Variants in SRCAP observed in about 807,000 individuals in gnomAD.
SRCAP encodes the protein Snf2 related CREBBP activator protein, also known as chromatin remodeling protein SRCAP.
Under a neutral mutation model 263.1 loss-of-function variants are expected in SRCAP, and 46 were observed. That is an observed-to-expected ratio of 0.17 (90% CI 0.14 to 0.22). SRCAP has a LOEUF of 0.22. Among genes scored for constraint, SRCAP ranks in the 10% least tolerant of loss-of-function variants. SRCAP has a pLI of 1.00. For missense variants in SRCAP, 3,695 were observed against 4,181.9 expected, an observed-to-expected ratio of 0.88 and a Z score of 3.21; for synonymous variants, 1,813 against 1,662.1, an observed-to-expected ratio of 1.09 and a Z score of -2.21.
rs186035721 is a variant in SRCAP at position 30,708,129 on chromosome 16, T to G, written c.633+417T>G. On this transcript the variant is annotated intron_variant, in intron 6 of 33. Transcript: ENST00000262518. Reference sequence around the variant, plus strand: ...TTCCACTCCACACCCACCTTTCTTTTGTATATCTCTGTCCATTTACACATA... The same window carrying G: ...TTCCACTCCACACCCACCTTTCTTTGGTATATCTCTGTCCATTTACACATA... 9.5e-4 allele frequency among the ~76,000 whole-genome samples: 144 copies of G among 152,344 alleles called. 2 individuals carry two copies. The East Asian group carries it at 0.011, about 12-fold the overall frequency.
rs756793325 is a variant in SRCAP at position 30,707,625 on chromosome 16, G to A, written c.546G>A (p.Arg182=). The change falls in exon 6 of 34, where the codon CGG becomes CGA. Residue 182 remains arginine, a synonymous_variant. Transcript: ENST00000262518. The stretch of plus-strand genomic sequence containing the variant: ...AGGAGCAGCGGCAGAAAGAGGAACG[G>A]GCCCGGAGGGAGGAGCAGGCCAAGC... The part of the protein sequence containing the change: ...HHEEQRQKEE[R]ARREEQAKLR... 1.9e-6 allele frequency: 3 copies of A among 1,614,160 alleles called. No individual in the cohort carries two copies. Among genetic ancestry groups the A allele is most frequent in the Non-Finnish European group, 2.5e-6 (3 of 1,180,028 alleles).
intron 25 of SRCAP, chr16:30,725,343 C>G (rs906036911): frequency 1.9e-6 from 1 of 529,576 alleles, no homozygotes; most frequent in Non-Finnish European, 3.1e-6. Flanking sequence ...TTTTAACCCG[C>G]ACGGTAATAA....
chr16:30,706,998 C>T (rs1207610309), intron 4 of SRCAP, among the ~76,000 whole-genome samples, 185 bp from the exon 5 acceptor site: 1 of 151,988 alleles, frequency 6.6e-6, no homozygotes, highest in African/African-American at 2.4e-5. Context: ...ATCTTTTTTC[C>T]TTCTTCATCT....
Position 30,723,046 on chromosome 16 carries a change from C to T in SRCAP, c.3976C>T (p.Pro1326Ser). Reference sequence around the variant, plus strand: ...TCGGGATGGACTGACTCCTGTTCCTCCATTGGCCCCAGCACCCCGGCCTCC... The same window carrying T: ...TCGGGATGGACTGACTCCTGTTCCTTCATTGGCCCCAGCACCCCGGCCTCC... ...APRDGLTPVP[P>S]LAPAPRPPSS... Residue 1326 changes from proline to serine, a missense_variant, in exon 24 of 34, where the codon CCA (proline) becomes TCA (serine). Physicochemically the swap from Pro to Ser is moderately conservative, Grantham distance 74. Coordinates refer to ENST00000262518, the MANE Select transcript of SRCAP (RefSeq NM_006662.3). 6.2e-7 allele frequency: 1 copy of T among 1,614,116 alleles called. No homozygotes were observed. Among genetic ancestry groups the T allele is most frequent in the Non-Finnish European group, 8.5e-7 (1 of 1,180,018 alleles).
rs2053191149 is a variant in SRCAP, at chr16:30,738,945, C to T, written c.8905C>T (p.Pro2969Ser). The T allele has an allele frequency of 1.9e-6, 3 of 1,613,750 alleles. No individual in the cohort carries two copies. The African/African-American group carries it at 4.0e-5, about 22-fold the overall frequency. ...CAACTCCGAAAGTCGGACACAGCCA[C>T]CCCCACACCCATCACCCCTAACCCC... Reference protein sequence around the residue: ...DGNSESRTQPPPHPSPLTPLP... With the variant: ...DGNSESRTQPSPHPSPLTPLP... Residue 2969 changes from proline (P) to serine (S), a missense_variant, in exon 34 of 34, where the codon CCC (proline) becomes TCC (serine). Pro to Ser is a moderately conservative substitution (Grantham distance 74). Transcript: ENST00000262518.
intron 22 of SRCAP, 65 bp downstream of exon 22, chr16:30,722,351 CTT>C: frequency 1.3e-6 from 2 of 1,569,280 alleles, no homozygotes; most frequent in Middle Eastern, 2.0e-4. Context: ...GTTTTTGTGA[CTT>C]TTTTGAATGT....
intron 25 of SRCAP, among the ~76,000 whole-genome samples, chr16:30,726,636 A>G (rs541559078): frequency 6.8e-5 from 10 of 147,868 alleles, no homozygotes; most frequent in African/African-American, 2.0e-4. Flanking sequence ...CCCCACCTCA[A>G]CCTCCCTCGT....
chr16:30,705,007 A>G (rs2052811101), intron 4 of SRCAP, among the ~76,000 whole-genome samples: 1 of 152,020 alleles, frequency 6.6e-6, no homozygotes, highest in Admixed American at 6.6e-5. Context: ...CTTAGTAGAA[A>G]CACAAATTCT....
In SRCAP at chr16:30,717,260, A is replaced by C. The variant is rs549975125; in HGVS notation, c.2817+781A>C. ...CATTGGCCACTTGTCTATATTTTTG[A>C]AGAAATGTCTTTTGAAGATTTGTTA... is the stretch of plus-strand genomic sequence containing the variant. On this transcript the variant is annotated intron_variant, in intron 18 of 33. Transcript: ENST00000262518. Among the ~76,000 whole-genome samples, 31 of 152,036 alleles carry C rather than the reference A, an allele frequency of 2.0e-4. 1 individual carries two copies. The highest frequency in any genetic ancestry group is 4.6e-4 in the Admixed American group (7 of 15,254).
chr16:30,711,478 C>T, intron 10 of SRCAP, 93 bp from the exon 11 acceptor site: 1 of 1,330,208 alleles, frequency 7.5e-7, no homozygotes, highest in African/African-American at 1.5e-5. Context: ...CTAGCAGTAT[C>T]TACAGAGACC....
chr16:30,714,937 T>G (rs74442044), intron 16 of SRCAP, among the ~76,000 whole-genome samples: 2,267 of 152,360 alleles, frequency 0.015, 62 homozygotes, highest in African/African-American at 0.051. Flanking sequence ...CTCTCTGGTC[T>G]TCTTTGGCTC....
intron 10 of SRCAP, 22 bp from the exon 11 acceptor site, chr16:30,711,549 A>C (rs766446896): frequency 6.4e-7 from 1 of 1,565,024 alleles, no homozygotes. Context: ...GAGCAACCAA[A>C]AGCTTTTTGT....
Position 30,724,663 on chromosome 16 carries a change from TCTCTGGCTCCAGCACCCC to T in SRCAP, c.5253_5270del (p.Pro1752_Ala1757del), listed in dbSNP as rs779055260. On this transcript the variant is annotated inframe_deletion, in exon 25 of 34. Transcript: ENST00000262518. ...ACCACTGGGTCCAACTCAGACGCTG[TCTCTGGCTCCAGCACCCC>T]CTCTGGCTCCAGCTTCTCCAGTGGG... The T allele has an allele frequency of 4.3e-6, 7 of 1,613,702 alleles. No homozygotes were observed. The highest frequency in any genetic ancestry group is 3.3e-5 in the South Asian group (3 of 91,072).
Position 30,737,941 on chromosome 16 carries a change from C to G in SRCAP, c.7901C>G (p.Thr2634Arg), listed in dbSNP as rs370304188. ...APDSAEGTTL[T>R]VLPEGEELPL... ...GATTCTGCTGAGGGGACCACCCTTACAGTGCTGCCTGAAGGTGAGGAGTTG... is the reference window on the plus strand; with the variant it reads ...GATTCTGCTGAGGGGACCACCCTTAGAGTGCTGCCTGAAGGTGAGGAGTTG... The change falls in exon 34 of 34, where the codon ACA (threonine) becomes AGA (arginine). Residue 2634 changes from threonine (T) to arginine (R), a missense_variant. This residue lies in a region of SRCAP where 1,207 missense variants were observed against 1,142.9 expected (regional missense o/e 1.06). Coordinates refer to ENST00000262518, the MANE Select transcript of SRCAP (RefSeq NM_006662.3). 16 of 1,614,084 alleles carry G rather than the reference C, an allele frequency of 9.9e-6. No homozygotes were observed. Among genetic ancestry groups the G allele is most frequent in the Admixed American group, 1.7e-5 (1 of 60,010 alleles).
At chr16:30,720,389 A>G (rs1433486944) in intron 19 of SRCAP, 58 bp downstream of exon 19, 1 of 1,572,224 alleles carries the variant, frequency 6.4e-7, no homozygotes, top group East Asian at 2.3e-5. Flanking sequence ...AAAGCTGCCC[A>G]GAGGGGCCTG....
In SRCAP at chr16:30,703,870, C is replaced by T. The variant is rs537293326; in HGVS notation, c.55-194C>T. Among the ~76,000 whole-genome samples, 40 of 151,924 alleles carry T rather than the reference C, an allele frequency of 2.6e-4. No individual in the cohort carries two copies. The South Asian group carries it at 6.5e-3, about 25-fold the overall frequency. On this transcript the variant is annotated intron_variant, in intron 3 of 33. Coordinates refer to ENST00000262518, the MANE Select transcript of SRCAP (RefSeq NM_006662.3). Reference sequence around the variant, plus strand: ...CGAGATCGCGCCACTGCACTCCAGCCTGGGCGACAGAGCGAGACTCCATCT... The same window carrying T: ...CGAGATCGCGCCACTGCACTCCAGCTTGGGCGACAGAGCGAGACTCCATCT...
intron 4 of SRCAP, among the ~76,000 whole-genome samples, chr16:30,705,712 T>G (rs1020203876): frequency 2.0e-5 from 3 of 151,156 alleles, no homozygotes; most frequent in South Asian, 4.2e-4. Flanking sequence ...ATTGGGTTTT[T>G]TTTTTTTTCC....
At chr16:30,700,099 G>A (rs148572589) in intron 2 of SRCAP, 118 bp downstream of exon 2, 6 of 152,348 alleles carry the variant, frequency 3.9e-5, no homozygotes, top group African/African-American at 7.2e-5. Context: ...ATGTTTGCAT[G>A]TGATTTTTCT....
rs2151300699 is a variant in SRCAP, at chr16:30,738,385, C to T, written c.8345C>T (p.Ser2782Phe). ...GAASTLVPGV[S>F]ETSASPGSPS... Reference sequence around the variant, plus strand: ...GCCAGCACCCTAGTGCCTGGGGTCTCTGAGACTAGTGCCAGCCCGGGAAGC... The same window carrying T: ...GCCAGCACCCTAGTGCCTGGGGTCTTTGAGACTAGTGCCAGCCCGGGAAGC... The change falls in exon 34 of 34, where the codon TCT becomes TTT. Residue 2782 changes from serine (S) to phenylalanine (F), a missense_variant. Ser to Phe is a radical substitution (Grantham distance 155, BLOSUM62 -2). This residue lies in a region of SRCAP where 1,207 missense variants were observed against 1,142.9 expected (regional missense o/e 1.06). Transcript: ENST00000262518. 6.4e-7 allele frequency: 1 copy of T among 1,553,044 alleles called. No individual in the cohort carries two copies. The highest frequency in any genetic ancestry group is 8.7e-7 in the Non-Finnish European group (1 of 1,150,670).
Sources: gnomAD v4.1 joint callset for allele counts (sites outside exome capture counted in the v4.1 genomes callset) on GRCh38, gnomAD v4.1.1 for gene constraint, gnomAD v4.1.1 regional missense constraint, MANE v1.5 for transcripts, NCBI Gene and HGNC (gene_info 2026-07-23, HGNC 2026-07-21) for gene names.